Variants in EXOC6B observed in about 807,000 individuals in gnomAD.
EXOC6B encodes SEC15 homolog B.
EXOC6B carries 54 observed loss-of-function variants against 113.5 expected under a neutral mutation model. The ratio of observed to expected loss-of-function variants is 0.48; its 90% CI spans 0.38 to 0.60. EXOC6B has a LOEUF of 0.60. Ranked by LOEUF, EXOC6B falls within the 20% of genes least tolerant of loss-of-function variation. EXOC6B has a pLI of 0.00. For missense variants in EXOC6B, 797 were observed against 977.5 expected, an observed-to-expected ratio of 0.82 and a Z score of 2.46; for synonymous variants, 357 against 339.0, an observed-to-expected ratio of 1.05 and a Z score of -0.58.
chr2:72,294,493 G>T (rs1460321469), intron 20 of EXOC6B, among the ~76,000 whole-genome samples: 1 of 152,046 alleles, frequency 6.6e-6, no homozygotes, highest in Non-Finnish European at 1.5e-5. Context: ...ATTATGGGTT[G>T]CCCAGGCTGC....
At chr2:72,201,989 T>C (rs1679521942) in intron 20 of EXOC6B, among the ~76,000 whole-genome samples, 1 of 152,232 alleles carries the variant, frequency 6.6e-6, no homozygotes, top group Non-Finnish European at 1.5e-5. Flanking sequence ...GGTATCATTC[T>C]CAAAGATGCT....
chr2:72,630,452 A>C (rs1672315420), intron 6 of EXOC6B, among the ~76,000 whole-genome samples: 1 of 152,152 alleles, frequency 6.6e-6, no homozygotes, highest in Non-Finnish European at 1.5e-5. Context: ...CTCCCCTTAG[A>C]CCTGCATTAT....
chr2:72,817,380 T>C (rs1229328666), intron 1 of EXOC6B, among the ~76,000 whole-genome samples: 2 of 152,252 alleles, frequency 1.3e-5, no homozygotes, highest in Admixed American at 1.3e-4. Context: ...TTCATTAGTT[T>C]TATTTTCTCT....
At chr2:72,706,842 T>C (rs1290196323) in intron 6 of EXOC6B, among the ~76,000 whole-genome samples, 2 of 152,200 alleles carry the variant, frequency 1.3e-5, no homozygotes, top group East Asian at 1.9e-4. Context: ...TTGACCACTA[T>C]AACACGACTT....
intron 14 of EXOC6B, among the ~76,000 whole-genome samples, chr2:72,496,070 A>G (rs961817290): frequency 1.3e-5 from 2 of 152,166 alleles, no homozygotes; most frequent in Non-Finnish European, 2.9e-5. Flanking sequence ...ACATTGTCAA[A>G]ATCAGCAGAA....
chr2:72,666,684 G>C (rs1479422818), intron 6 of EXOC6B, among the ~76,000 whole-genome samples: 1 of 151,560 alleles, frequency 6.6e-6, no homozygotes, highest in Non-Finnish European at 1.5e-5. Flanking sequence ...TAAAGTTTCA[G>C]GATACAAAAT....
intron 8 of EXOC6B, among the ~76,000 whole-genome samples, chr2:72,551,629 C>A (rs1313693074): frequency 1.3e-5 from 2 of 151,848 alleles, no homozygotes; most frequent in Non-Finnish European, 2.9e-5. Flanking sequence ...CTCAGCCTCA[C>A]GAGTAGCTGG....
intron 1 of EXOC6B, among the ~76,000 whole-genome samples, chr2:72,821,354 C>G (rs1276586789): frequency 6.6e-6 from 1 of 152,046 alleles, no homozygotes; most frequent in Non-Finnish European, 1.5e-5. Context: ...AATTGGAACC[C>G]TGATACATTG....
In EXOC6B at chr2:72,575,117, G is replaced by A. The variant is rs962219121; in HGVS notation, c.846+375C>T. On this transcript the variant is annotated intron_variant, in intron 7 of 21. Transcript: ENST00000272427. Reference sequence around the variant, plus strand: ...TCTATTTGTTCACTCTTCAGCTTTCGAAGTAACATTTTTTTGTTTTTCTGG... The same window carrying A: ...TCTATTTGTTCACTCTTCAGCTTTCAAAGTAACATTTTTTTGTTTTTCTGG... Among the ~76,000 whole-genome samples the A allele has an allele frequency of 4.6e-5, 7 of 152,012 alleles. No homozygotes were observed. In the South Asian group the frequency reaches 6.2e-4, roughly 14 times the overall value.
intron 19 of EXOC6B, among the ~76,000 whole-genome samples, chr2:72,354,735 A>G (rs571956464): frequency 1.3e-5 from 2 of 152,326 alleles, no homozygotes; most frequent in South Asian, 4.1e-4. Context: ...TGACATTGCC[A>G]TTTGAATGGC....
At chr2:72,707,020 T>A (rs1407695990) in intron 6 of EXOC6B, among the ~76,000 whole-genome samples, 1 of 152,178 alleles carries the variant, frequency 6.6e-6, no homozygotes, top group Non-Finnish European at 1.5e-5. Flanking sequence ...GAGTTGTGAA[T>A]GAAGGGGCCC....
intron 6 of EXOC6B, among the ~76,000 whole-genome samples, chr2:72,647,883 G>A (rs1573551296): frequency 6.6e-6 from 1 of 152,184 alleles, no homozygotes; most frequent in East Asian, 1.9e-4. Flanking sequence ...AGGACTTCAT[G>A]ACTAAAACAC....
chr2:72,447,280 AT>A (rs911311860), intron 18 of EXOC6B, among the ~76,000 whole-genome samples: 2 of 152,130 alleles, frequency 1.3e-5, no homozygotes, highest in African/African-American at 4.8e-5. Context: ...GACCATCTTT[AT>A]TTCATTTTTG....
At chr2:72,741,191 A>C in intron 2 of EXOC6B, 113 bp downstream of exon 2, 1 of 1,069,450 alleles carries the variant, frequency 9.4e-7, no homozygotes, top group Non-Finnish European at 1.3e-6. Flanking sequence ...CTTTCTAATT[A>C]TACAAAAATC....
intron 20 of EXOC6B, among the ~76,000 whole-genome samples, chr2:72,187,128 C>T (rs1558995413): frequency 6.6e-6 from 1 of 152,134 alleles, no homozygotes; most frequent in Non-Finnish European, 1.5e-5. Flanking sequence ...TGTGAGAATG[C>T]AGCTGGACCA....
At chr2:72,655,712 T>C (rs908285664) in intron 6 of EXOC6B, among the ~76,000 whole-genome samples, 1 of 152,082 alleles carries the variant, frequency 6.6e-6, no homozygotes, top group African/African-American at 2.4e-5. Flanking sequence ...ATTTAAAAAA[T>C]TCAAAATAAT....
At chr2:72,578,891 G>A (rs567452852) in intron 6 of EXOC6B, among the ~76,000 whole-genome samples, 1 of 152,174 alleles carries the variant, frequency 6.6e-6, no homozygotes, top group South Asian at 2.1e-4. Flanking sequence ...AGGTTATAAA[G>A]GAATAACAGG....
intron 20 of EXOC6B, among the ~76,000 whole-genome samples, chr2:72,235,422 G>C (rs1186893581): frequency 2.0e-5 from 3 of 152,212 alleles, no homozygotes; most frequent in Non-Finnish European, 2.9e-5. Context: ...AGGCTGGAAA[G>C]AGGGAGAGGA....
At chr2:72,571,731 T>C (rs1704520422) in intron 7 of EXOC6B, among the ~76,000 whole-genome samples, 1 of 152,206 alleles carries the variant, frequency 6.6e-6, no homozygotes, top group Non-Finnish European at 1.5e-5. Flanking sequence ...TGAGACTTCA[T>C]CCTCAGTTCC....
Sources: gnomAD v4.1 joint callset for allele counts (sites outside exome capture counted in the v4.1 genomes callset) on GRCh38, gnomAD v4.1.1 for gene constraint, MANE v1.5 for transcripts, NCBI Gene and HGNC (gene_info 2026-07-23, HGNC 2026-07-21) for gene names.